POU6F2: variants seen among roughly 807,000 people sequenced by gnomAD.
The protein encoded by POU6F2 is POU domain, class 6, transcription factor 2.
A neutral mutation model predicts 71.3 loss-of-function variants in POU6F2; 31 were observed. The observed-to-expected ratio is 0.43, with a 90% confidence interval of 0.33 to 0.59. The LOEUF is 0.59. POU6F2 is among the 20% of genes least tolerant of loss of function. POU6F2 has a pLI of 0.04. For synonymous variants in POU6F2, 347 were observed against 355.7 expected (o/e 0.98, Z 0.27); for missense variants, 783 against 856.8 (o/e 0.91, Z 1.07).
chr7:39,210,760 G>C (rs1417236184), intron 4 of POU6F2, among the ~76,000 whole-genome samples: 2 of 152,098 alleles, frequency 1.3e-5, no homozygotes, highest in Non-Finnish European at 2.9e-5. Flanking sequence ...AAGACTCTCG[G>C]AACAGAATCT....
intron 7 of POU6F2, among the ~76,000 whole-genome samples, chr7:39,447,128 C>T (rs767897041): frequency 2.6e-5 from 4 of 152,158 alleles, no homozygotes; most frequent in South Asian, 2.1e-4. Flanking sequence ...GGATAATCTT[C>T]TAGCCACCTG....
chr7:39,042,880 A>C (rs1285024421), intron 1 of POU6F2, among the ~76,000 whole-genome samples: 1 of 151,946 alleles, frequency 6.6e-6, no homozygotes, highest in Non-Finnish European at 1.5e-5. Flanking sequence ...GGAGAATAGA[A>C]ATCTTCTCCT....
intron 4 of POU6F2, among the ~76,000 whole-genome samples, chr7:39,305,743 C>T (rs1785035130): frequency 6.6e-6 from 1 of 152,188 alleles, no homozygotes; most frequent in Non-Finnish European, 1.5e-5. Flanking sequence ...AATATTATAT[C>T]TCTCTGAAAA....
At chr7:39,153,975 C>T (rs1165635136) in intron 2 of POU6F2, among the ~76,000 whole-genome samples, 1 of 152,116 alleles carries the variant, frequency 6.6e-6, no homozygotes, top group Non-Finnish European at 1.5e-5. Context: ...GGTAGGGACA[C>T]ATAAACATCA....
chr7:39,181,539 A>G (rs1436944460), intron 2 of POU6F2, among the ~76,000 whole-genome samples: 1 of 152,208 alleles, frequency 6.6e-6, no homozygotes, highest in African/African-American at 2.4e-5. Context: ...GAACAGATAT[A>G]TCTTTTGGGA....
intron 2 of POU6F2, among the ~76,000 whole-genome samples, chr7:39,144,791 T>C (rs1382628581): frequency 6.6e-6 from 1 of 152,208 alleles, no homozygotes; most frequent in Non-Finnish European, 1.5e-5. Flanking sequence ...TCCTTTAGAA[T>C]TGTCCAAGGG....
At chr7:39,118,158 A>C (rs936775885) in intron 2 of POU6F2, among the ~76,000 whole-genome samples, 1 of 152,298 alleles carries the variant, frequency 6.6e-6, no homozygotes, top group East Asian at 1.9e-4. Flanking sequence ...AGGCCTCCAG[A>C]TTTTGACATT....
intron 9 of POU6F2, among the ~76,000 whole-genome samples, chr7:39,462,637 A>G (rs1788976656): frequency 6.6e-6 from 1 of 152,236 alleles, no homozygotes; most frequent in Non-Finnish European, 1.5e-5. Flanking sequence ...AAAATGTGGT[A>G]TGTGGCAAAT....
intron 6 of POU6F2, among the ~76,000 whole-genome samples, chr7:39,432,570 G>A (rs928407741): frequency 6.6e-6 from 1 of 152,112 alleles, no homozygotes; most frequent in Non-Finnish European, 1.5e-5. Context: ...TCCTGCTGGG[G>A]GTATCGGGGA....
At chr7:38,994,171 T>C (rs555630571) in intron 1 of POU6F2, among the ~76,000 whole-genome samples, 1 of 152,270 alleles carries the variant, frequency 6.6e-6, no homozygotes, top group South Asian at 2.1e-4. Context: ...CTGATGTGCC[T>C]GAGTGAATAA....
chr7:39,060,572 C>T (rs1179415771), intron 1 of POU6F2, among the ~76,000 whole-genome samples: 2 of 152,012 alleles, frequency 1.3e-5, no homozygotes, highest in Non-Finnish European at 2.9e-5. Flanking sequence ...ATGTATTGTC[C>T]GAGTATGAGA....
chr7:39,305,583 T>C (rs1785032789), intron 4 of POU6F2, among the ~76,000 whole-genome samples: 1 of 152,222 alleles, frequency 6.6e-6, no homozygotes, highest in Non-Finnish European at 1.5e-5. Flanking sequence ...TTTGTGGTTA[T>C]TTGCTGTTAT....
intron 2 of POU6F2, among the ~76,000 whole-genome samples, chr7:39,111,836 T>A (rs2128725673): frequency 6.6e-6 from 1 of 152,254 alleles, no homozygotes; most frequent in Non-Finnish European, 1.5e-5. Flanking sequence ...TTCCAATATC[T>A]GCAAATATTG....
chr7:39,396,131 G>T (rs1460205530), intron 5 of POU6F2, among the ~76,000 whole-genome samples: 1 of 152,118 alleles, frequency 6.6e-6, no homozygotes, highest in East Asian at 1.9e-4. Context: ...AGATGTGTAG[G>T]CTTGTAGTAA....
chr7:39,317,076 A>G (rs1785282897), intron 4 of POU6F2, among the ~76,000 whole-genome samples: 1 of 152,194 alleles, frequency 6.6e-6, no homozygotes, highest in Admixed American at 6.5e-5. Context: ...ACGATAAGCC[A>G]GGTGCTTTAT....
chr7:39,262,342 A>G (rs149013326), intron 4 of POU6F2, among the ~76,000 whole-genome samples: 5 of 152,310 alleles, frequency 3.3e-5, no homozygotes, highest in Non-Finnish European at 5.9e-5. Flanking sequence ...GCTTGTGCCC[A>G]TAGTCACAGC....
At chr7:39,391,484 A>T (rs1787074555) in intron 5 of POU6F2, among the ~76,000 whole-genome samples, 1 of 152,200 alleles carries the variant, frequency 6.6e-6, no homozygotes, top group South Asian at 2.1e-4. Flanking sequence ...AATGTACAAA[A>T]TAAGAACTCA....
At chr7:39,091,359 A>G (rs1254879681) in intron 2 of POU6F2, among the ~76,000 whole-genome samples, 1 of 152,190 alleles carries the variant, frequency 6.6e-6, no homozygotes, top group African/African-American at 2.4e-5. Flanking sequence ...TGTTTAAAGC[A>G]GGAAGTTCAA....
rs1267437536 is a variant in POU6F2, at chr7:39,015,763, ATAT to A, written c.105+37709_105+37711del. Among the ~76,000 whole-genome samples, 370 of 83,496 alleles carry A rather than the reference ATAT, an allele frequency of 4.4e-3. 5 individuals carry two copies. Among genetic ancestry groups the A allele is most frequent in the African/African-American group, 0.023 (360 of 15,930 alleles). 54.8% of individuals were successfully genotyped at this position (83,496 alleles called of 152,430 possible). ...TATATATTATATATTATATATAGAT[ATAT>A]TATATATATTATATATGGTATATTA... On this transcript the variant is annotated intron_variant, in intron 1 of 9. Transcript: ENST00000518318.
Sources: gnomAD v4.1 joint callset for allele counts (sites outside exome capture counted in the v4.1 genomes callset) on GRCh38, gnomAD v4.1.1 for gene constraint, MANE v1.5 for transcripts, NCBI Gene and HGNC (gene_info 2026-07-23, HGNC 2026-07-21) for gene names.